Variants in SLIT3 observed in about 807,000 individuals in gnomAD.
SLIT3 encodes the protein slit homolog 3 protein.
Under a neutral mutation model 184.0 loss-of-function variants are expected in SLIT3, and 68 were observed. The ratio of observed to expected loss-of-function variants is 0.37; its 90% CI spans 0.30 to 0.45. The LOEUF (loss-of-function observed/expected upper bound fraction) is 0.45. SLIT3 is among the 20% of genes least tolerant of loss of function. The pLI is 1.00. For missense variants in SLIT3, 1,707 were observed against 2,026.0 expected (o/e 0.84, Z 3.02); for synonymous variants, 831 against 828.6 (o/e 1.00, Z -0.05).
chr5:168,856,313 C>T (rs976463721), intron 5 of SLIT3, among the ~76,000 whole-genome samples: 1 of 152,116 alleles, frequency 6.6e-6, no homozygotes, highest in Non-Finnish European at 1.5e-5. Context: ...GGTGGTTTCC[C>T]TCTGACGACA....
chr5:169,170,608 G>A (rs1762785456), intron 4 of SLIT3, among the ~76,000 whole-genome samples: 1 of 152,218 alleles, frequency 6.6e-6, no homozygotes, highest in Non-Finnish European at 1.5e-5. Context: ...GGCTCTGCAG[G>A]CTGCTACCTT....
At chr5:169,192,692 T>G (rs1389066792) in intron 4 of SLIT3, among the ~76,000 whole-genome samples, 1 of 152,116 alleles carries the variant, frequency 6.6e-6, no homozygotes, top group African/African-American at 2.4e-5. Flanking sequence ...TGCAAAGCCA[T>G]CCAGGACTGT....
chr5:169,000,068 C>T (rs370178295), intron 4 of SLIT3, among the ~76,000 whole-genome samples: 26 of 151,942 alleles, frequency 1.7e-4, no homozygotes, highest in East Asian at 5.8e-4. Flanking sequence ...TCATTATTGA[C>T]GACAAAAAAT....
chr5:168,759,267 C>T (rs1255828440), intron 16 of SLIT3, among the ~76,000 whole-genome samples: 4 of 152,268 alleles, frequency 2.6e-5, no homozygotes, highest in Non-Finnish European at 2.9e-5. Context: ...TAGGGTCCTG[C>T]GAGCCTCTGG....
intron 4 of SLIT3, among the ~76,000 whole-genome samples, chr5:168,986,674 A>T (rs1349828804): frequency 6.6e-6 from 1 of 152,150 alleles, no homozygotes; most frequent in African/African-American, 2.4e-5. Flanking sequence ...GTTTTAGCAC[A>T]GGCTTGGAGT....
rs71698425 is a variant in SLIT3, at chr5:169,238,543, C to CTTTTT, written c.341+6157_341+6161dup. Among the ~76,000 whole-genome samples the CTTTTT allele has an allele frequency of 1.7e-3, 204 of 117,110 alleles. 4 individuals are homozygous for CTTTTT. Among genetic ancestry groups the CTTTTT allele is most frequent in the African/African-American group, 6.2e-3 (188 of 30,192 alleles). The allele number at this position is 117,110 out of a possible 152,430, so 76.8% of individuals were successfully genotyped here. A position where few individuals can be genotyped will look rare whatever the true frequency, so the allele number is the denominator to read the frequency against. On this transcript the variant is annotated intron_variant, in intron 3 of 35. Coordinates refer to ENST00000519560, the MANE Select transcript of SLIT3 (RefSeq NM_003062.4). The stretch of plus-strand genomic sequence containing the variant: ...GTTTTAGAATGGAGCAGTGAAATAG[C>CTTTTT]TTTTTTTTTTTTTTTTTTTTAAGAT...
chr5:168,893,561 C>A (rs1184886440), intron 4 of SLIT3, among the ~76,000 whole-genome samples: 4 of 152,136 alleles, frequency 2.6e-5, no homozygotes, highest in African/African-American at 9.7e-5. Flanking sequence ...GATCCTTTGG[C>A]CCGAAAGCTG....
intron 4 of SLIT3, among the ~76,000 whole-genome samples, chr5:169,164,434 T>C (rs1762571628): frequency 6.6e-6 from 1 of 152,198 alleles, no homozygotes; most frequent in East Asian, 1.9e-4. Context: ...AAATTATCCT[T>C]GAGGCTTCAG....
rs1767146140 is a variant in SLIT3 at position 169,286,239 on chromosome 5, T to C, written c.197+14274A>G. On this transcript the variant is annotated intron_variant, in intron 1 of 35. Coordinates refer to ENST00000519560, the MANE Select transcript of SLIT3 (RefSeq NM_003062.4). ...CTGCTGTACTATAGAGGAAGCAAAA[T>C]TATGTCTCTGAATAAAACCTACAAA... 2.0e-5 allele frequency among the ~76,000 whole-genome samples: 3 copies of C among 151,630 alleles called. No individual in the cohort carries two copies. The South Asian group carries it at 6.3e-4, about 32-fold the overall frequency.
At chr5:169,173,409 G>A (rs966761713) in intron 4 of SLIT3, among the ~76,000 whole-genome samples, 1 of 152,194 alleles carries the variant, frequency 6.6e-6, no homozygotes, top group Non-Finnish European at 1.5e-5. Context: ...CGTAAGGAGT[G>A]AAAGCGGGAG....
chr5:168,759,507 G>A (rs1050442477), intron 16 of SLIT3, among the ~76,000 whole-genome samples: 2 of 152,136 alleles, frequency 1.3e-5, no homozygotes, highest in African/African-American at 4.8e-5. Context: ...CAGTATGTCT[G>A]GGGGGCCATT....
chr5:168,680,450 G>A (rs1203701085), intron 32 of SLIT3, among the ~76,000 whole-genome samples: 2 of 152,256 alleles, frequency 1.3e-5, no homozygotes, highest in African/African-American at 4.8e-5. Context: ...GCAGGTCCCT[G>A]CTGGGAACCC....
At chr5:169,190,031 T>C (rs1259786769) in intron 4 of SLIT3, among the ~76,000 whole-genome samples, 1 of 152,252 alleles carries the variant, frequency 6.6e-6, no homozygotes, top group Admixed American at 6.5e-5. Flanking sequence ...CTCTTCTGTC[T>C]TCTGATAACA....
At chr5:169,073,512 TGTCA>T (rs1758626799) in intron 4 of SLIT3, among the ~76,000 whole-genome samples, 1 of 152,006 alleles carries the variant, frequency 6.6e-6, no homozygotes, top group African/African-American at 2.4e-5. Context: ...AATCAGACAA[TGTCA>T]GTGATGTGAT....
intron 8 of SLIT3, among the ~76,000 whole-genome samples, chr5:168,809,246 G>A (rs1757086730): frequency 1.3e-5 from 2 of 152,122 alleles, no homozygotes; most frequent in Non-Finnish European, 2.9e-5. Flanking sequence ...TGGGTCTTCC[G>A]CAGGGTGACT....
chr5:169,212,626 C>G (rs1449542829), intron 3 of SLIT3, among the ~76,000 whole-genome samples: 1 of 152,128 alleles, frequency 6.6e-6, no homozygotes, highest in Non-Finnish European at 1.5e-5. Context: ...TAATTAGATC[C>G]CATTTGTCAA....
intron 4 of SLIT3, among the ~76,000 whole-genome samples, chr5:168,959,826 A>G (rs1477779905): frequency 6.6e-6 from 1 of 152,172 alleles, no homozygotes; most frequent in Non-Finnish European, 1.5e-5. Flanking sequence ...GTGCCATCCC[A>G]GATGATAATG....
Position 168,774,345 on chromosome 5 carries a change from C to T in SLIT3, c.1185G>A (p.Arg395=), listed in dbSNP as rs1755665445. Residue 395 remains arginine, a synonymous_variant, in exon 13 of 36, where the codon CGG becomes CGA. Coordinates refer to ENST00000519560, the MANE Select transcript of SLIT3 (RefSeq NM_003062.4). The part of the protein sequence containing the change: ...LLNANKINCL[R]VNTFQDLQNL... ...TCTGCAGGTCCTGAAACGTGTTCACCCGCAGGCAGTTGATCTTGTTGGCAT... is the reference window on the plus strand; with the variant it reads ...TCTGCAGGTCCTGAAACGTGTTCACTCGCAGGCAGTTGATCTTGTTGGCAT... The T allele has an allele frequency of 2.5e-6, 4 of 1,613,782 alleles. No individual in the cohort carries two copies. Among genetic ancestry groups the T allele is most frequent in the Non-Finnish European group, 3.4e-6 (4 of 1,179,850 alleles).
chr5:169,024,255 G>GAT (rs1336986774), intron 4 of SLIT3: 2 of 152,232 alleles, frequency 1.3e-5, no homozygotes, highest in African/African-American at 2.4e-5. Flanking sequence ...ATTTGAAGGG[G>GAT]ATAAGATGAC....
Sources: gnomAD v4.1 joint callset for allele counts (sites outside exome capture counted in the v4.1 genomes callset) on GRCh38, gnomAD v4.1.1 for gene constraint, MANE v1.5 for transcripts, NCBI Gene and HGNC (gene_info 2026-07-23, HGNC 2026-07-21) for gene names.